The following PLA2R1 variants were observed in gnomAD, a reference collection of about 807,000 sequenced individuals.
PLA2R1 encodes phospholipase A2 receptor 1.
PLA2R1 carries 158 observed loss-of-function variants against 195.9 expected under a neutral mutation model. The ratio of observed to expected loss-of-function variants is 0.81; its 90% CI spans 0.71 to 0.92. The LOEUF is 0.92. Ranked by LOEUF, PLA2R1 falls within the 40% of genes least tolerant of loss-of-function variation. PLA2R1 has a pLI of 0.00. For missense variants in PLA2R1, 1,626 were observed against 1,764.6 expected (o/e 0.92, Z 1.41); for synonymous variants, 586 against 598.2 (o/e 0.98, Z 0.30).
intron 11 of PLA2R1, among the ~76,000 whole-genome samples, chr2:159,993,929 G>C (rs1168705392): frequency 6.6e-6 from 1 of 152,036 alleles, no homozygotes; most frequent in African/African-American, 2.4e-5. Flanking sequence ...TTTGTTCTGT[G>C]TTTCCTATAA....
intron 11 of PLA2R1, among the ~76,000 whole-genome samples, chr2:160,005,118 T>C (rs144718390): frequency 0.028 from 4,312 of 152,268 alleles, 82 homozygotes; most frequent in Middle Eastern, 0.044. Context: ...GATGAATTTA[T>C]ACCTTTAACA....
At chr2:160,014,277 T>G (rs1692588512) in intron 9 of PLA2R1, among the ~76,000 whole-genome samples, 1 of 150,626 alleles carries the variant, frequency 6.6e-6, no homozygotes, top group African/African-American at 2.4e-5. Flanking sequence ...ATTAACTGGC[T>G]GGCCTTTTGG....
At chr2:160,049,334 G>A (rs1041672227) in intron 1 of PLA2R1, among the ~76,000 whole-genome samples, 2 of 152,110 alleles carry the variant, frequency 1.3e-5, no homozygotes, top group Non-Finnish European at 2.9e-5. Flanking sequence ...TTAAACCGAA[G>A]TTTAGGTTAT....
rs1377905428 is a variant in PLA2R1 at position 160,042,084 on chromosome 2, C to G, written c.608G>C (p.Trp203Ser). 13 of 1,614,068 alleles carry G rather than the reference C, an allele frequency of 8.1e-6. No individual in the cohort carries two copies. The highest frequency in any genetic ancestry group is 1.0e-5 in the Non-Finnish European group (12 of 1,180,010). The change falls in exon 3 of 30, where the codon TGG becomes TCG. Residue 203 changes from tryptophan (W) to serine (S), a missense_variant. Trp to Ser is a radical substitution (Grantham distance 177, BLOSUM62 -3). Coordinates refer to ENST00000283243, the MANE Select transcript of PLA2R1 (RefSeq NM_007366.5). ...TREGREDDLL[W>S]CATTSRYERD... ...TTCATAACGGCTTGTCGTGGCACAC[C>G]ACAGTAAGTCATCTTCCCGACCTTC...
rs1687313022 is a variant in PLA2R1 at position 159,945,269 on chromosome 2, A to G, written c.3968-187T>C. On this transcript the variant is annotated intron_variant, in intron 27 of 29. Coordinates refer to ENST00000283243, the MANE Select transcript of PLA2R1 (RefSeq NM_007366.5). ...ATGTGCAGGTTAGTTACATATGTAT[A>G]CATGTGACATGCTGGTGCGCTGCAC... Among the ~76,000 whole-genome samples the G allele has an allele frequency of 2.0e-5, 3 of 152,136 alleles. No homozygotes were observed. In the South Asian group the frequency reaches 6.2e-4, roughly 32 times the overall value.
chr2:160,044,753 G>C, intron 2 of PLA2R1, 21 bp downstream of exon 2: 1 of 1,591,378 alleles, frequency 6.3e-7, no homozygotes, highest in African/African-American at 1.3e-5. Flanking sequence ...TTCCCTGAGT[G>C]CTTCTTTAAA....
intron 11 of PLA2R1, among the ~76,000 whole-genome samples, chr2:159,989,890 T>C (rs1045866615): frequency 2.6e-5 from 4 of 152,220 alleles, no homozygotes; most frequent in Non-Finnish European, 4.4e-5. Context: ...CACCAGACAA[T>C]GATTAAATAG....
In PLA2R1 at chr2:159,936,443, A is replaced by G. The variant is rs1418718267; in HGVS notation, c.*5335T>C. 6.6e-6 allele frequency: 1 copy of G among 152,260 alleles called. No individual in the cohort carries two copies. Among genetic ancestry groups the G allele is most frequent in the Non-Finnish European group, 1.5e-5 (1 of 68,040 alleles). The allele number at this position is 152,260 out of a possible 1,614,324, so 9.4% of individuals were successfully genotyped here. The stretch of plus-strand genomic sequence containing the variant: ...ATGGATCTGTTAATGAAATGGATAT[A>G]TCATAGATAAAAATTAATTAGTATT... On this transcript the variant is annotated 3_prime_UTR_variant, in exon 30 of 30. Transcript: ENST00000283243.
rs879130648 is a variant in PLA2R1 at position 160,013,703 on chromosome 2, GTCTCTCTCTCTC to G, written c.1552-340_1552-329del. Among the ~76,000 whole-genome samples, 896 of 96,092 alleles carry G rather than the reference GTCTCTCTCTCTC, an allele frequency of 9.3e-3. 4 individuals carry two copies. Among genetic ancestry groups the G allele is most frequent in the Non-Finnish European group, 0.011 (475 of 42,826 alleles). 63.0% of individuals were successfully genotyped at this position (96,092 alleles called of 152,430 possible). The stretch of plus-strand genomic sequence containing the variant: ...TCTCTCTCTCTCTCTCTCTCTCTCT[GTCTCTCTCTCTC>G]TCTCTCTGTGTGTGTGTGTGTGTGT... On this transcript the variant is annotated intron_variant, in intron 9 of 29. Coordinates refer to ENST00000283243, the MANE Select transcript of PLA2R1 (RefSeq NM_007366.5).
At chr2:159,966,831 T>A (rs370507626) in intron 20 of PLA2R1, among the ~76,000 whole-genome samples, 2 of 152,206 alleles carry the variant, frequency 1.3e-5, no homozygotes, top group East Asian at 1.9e-4. Context: ...TACTTCCACC[T>A]AAGGCCTATA....
At chr2:160,028,564 T>A (rs1386542840) in intron 5 of PLA2R1, among the ~76,000 whole-genome samples, 1 of 152,240 alleles carries the variant, frequency 6.6e-6, no homozygotes, top group African/African-American at 2.4e-5. Flanking sequence ...GACCCACTTT[T>A]ATTATCTTAA....
intron 20 of PLA2R1, among the ~76,000 whole-genome samples, chr2:159,962,368 A>G (rs1179437234): frequency 6.6e-6 from 1 of 152,230 alleles, no homozygotes; most frequent in Non-Finnish European, 1.5e-5. Flanking sequence ...GGCGATCATT[A>G]AAAAGTCAGG....
intron 4 of PLA2R1, among the ~76,000 whole-genome samples, chr2:160,030,787 T>G (rs1026205246): frequency 6.6e-6 from 1 of 152,218 alleles, no homozygotes; most frequent in South Asian, 2.1e-4. Context: ...AATACCTTGG[T>G]TGGAACAGGT....
intron 12 of PLA2R1, among the ~76,000 whole-genome samples, 173 bp from the exon 13 acceptor site, chr2:159,984,246 A>T (rs1202094287): frequency 6.6e-6 from 1 of 152,192 alleles, no homozygotes; most frequent in African/African-American, 2.4e-5. Context: ...GTCATCATAA[A>T]ACTATTAGTT....
intron 1 of PLA2R1, among the ~76,000 whole-genome samples, chr2:160,053,322 A>T (rs896637362): frequency 4.3e-5 from 6 of 140,256 alleles, no homozygotes; most frequent in Non-Finnish European, 7.7e-5. Context: ...ATCTCCAAGT[A>T]AAGTCTCATT....
At chr2:159,956,461 C>T in intron 21 of PLA2R1, 49 bp downstream of exon 21, 1 of 929,264 alleles carries the variant, frequency 1.1e-6, no homozygotes, top group Non-Finnish European at 1.8e-6. Flanking sequence ...TTAATAAATA[C>T]TTGAATAAAA....
chr2:160,007,860 T>A (rs1320070317), intron 10 of PLA2R1, among the ~76,000 whole-genome samples: 1 of 152,196 alleles, frequency 6.6e-6, no homozygotes, highest in Non-Finnish European at 1.5e-5. Flanking sequence ...AAAATCCCAA[T>A]GATATCTTTT....
At chr2:159,943,111 G>A (rs1316712226) in intron 28 of PLA2R1, among the ~76,000 whole-genome samples, 2 of 124,318 alleles carry the variant, frequency 1.6e-5, no homozygotes, top group Non-Finnish European at 4.0e-5. Context: ...CTGGGATTAC[G>A]GGTGTGTGCC....
chr2:159,996,388 T>G (rs1691213085), intron 11 of PLA2R1, among the ~76,000 whole-genome samples: 2 of 152,108 alleles, frequency 1.3e-5, no homozygotes, highest in African/African-American at 4.8e-5. Flanking sequence ...TTGGATGACT[T>G]CTGAAGAGCA....
Sources: gnomAD v4.1 joint callset for allele counts (sites outside exome capture counted in the v4.1 genomes callset) on GRCh38, gnomAD v4.1.1 for gene constraint, MANE v1.5 for transcripts, NCBI Gene and HGNC (gene_info 2026-07-23, HGNC 2026-07-21) for gene names.